ERVFRD-1: variants seen among roughly 807,000 people sequenced by gnomAD.
The protein encoded by ERVFRD-1 is syncytin-2.
A neutral mutation model predicts 43.8 loss-of-function variants in ERVFRD-1; 33 were observed. The ratio of observed to expected loss-of-function variants is 0.75; its 90% CI spans 0.57 to 1.01. The LOEUF (loss-of-function observed/expected upper bound fraction) is 1.01. Ranked by LOEUF, ERVFRD-1 falls within the 50% of genes least tolerant of loss-of-function variation. The pLI, the probability that ERVFRD-1 is intolerant of heterozygous loss-of-function variation, is 0.00. For synonymous variants in ERVFRD-1, 239 were observed against 244.4 expected (o/e 0.98, Z 0.21); for missense variants, 568 against 658.4 (o/e 0.86, Z 1.50).
rs775048038 is a variant in ERVFRD-1 at position 11,104,657 on chromosome 6, A to C, written c.654T>G (p.Ile218Met). 1.9e-5 allele frequency: 31 copies of C among 1,614,088 alleles called. No homozygotes were observed. In the East Asian group the frequency reaches 6.9e-4, roughly 36 times the overall value. Residue 218 changes from isoleucine to methionine, a missense_variant, in exon 2 of 2, where the codon ATT becomes ATG. By Grantham distance (10) the Ile-to-Met change is conservative (BLOSUM62 1). Coordinates refer to ENST00000472091, the MANE Select transcript of ERVFRD-1 (RefSeq NM_207582.3). ...ATTCCGCTGTAGAGCTGAGGTTGGA[A>C]ATTTGCAGACATTGGTTATAATCAG... is the stretch of plus-strand genomic sequence containing the variant. ...RPADYNQCLQISNLSSTAEWV... is the reference protein window; with the variant it reads ...RPADYNQCLQMSNLSSTAEWV...
rs545293438 is a variant in ERVFRD-1, at chr6:11,106,238, C to T, written c.-320-608G>A. Among the ~76,000 whole-genome samples, 3 of 152,284 alleles carry T rather than the reference C, an allele frequency of 2.0e-5. 1 individual carries two copies. In the East Asian group the frequency reaches 5.8e-4, roughly 29 times the overall value. ...TTTTCAGTCCTTGTGAGGCAGGCTT[C>T]TACCCATCCTGTGAAGGTGTCTACA... On this transcript the variant is annotated intron_variant, in intron 1 of 1. Transcript: ENST00000472091.
rs138460985 is a variant in ERVFRD-1, at chr6:11,107,534, A to C, written c.-320-1904T>G. Among the ~76,000 whole-genome samples the C allele has an allele frequency of 8.0e-3, 1,225 of 152,344 alleles. 21 individuals are homozygous for C. Among genetic ancestry groups the C allele is most frequent in the Non-Finnish European group, 0.011 (736 of 68,028 alleles). On this transcript the variant is annotated intron_variant, in intron 1 of 1. Transcript: ENST00000472091. ...CTGAAACCCTGTTGAAGCACTGTGC[A>C]GGTGAGCTGTTGACTCCTTCCTTTT...
Position 11,104,459 on chromosome 6 carries a change from A to C in ERVFRD-1, c.852T>G (p.Phe284Leu), listed in dbSNP as rs1045562078. The C allele has an allele frequency of 1.9e-6, 3 of 1,552,046 alleles. No individual in the cohort carries two copies. ...EFFGTSLTPLFHFHISTCLKT... is the reference protein window; with the variant it reads ...EFFGTSLTPLLHFHISTCLKT... ...TAAGGCATGTAGAGATATGGAAATG[A>C]AATAAGGGGGTGAGGGAGGTTCCAA... Residue 284 changes from phenylalanine to leucine, a missense_variant, in exon 2 of 2, where the codon TTT (phenylalanine) becomes TTG (leucine). Physicochemically the swap from Phe to Leu is conservative, Grantham distance 22. Coordinates refer to ENST00000472091, the MANE Select transcript of ERVFRD-1 (RefSeq NM_207582.3).
chr6:11,103,998 C>G lies in ERVFRD-1; in HGVS notation c.1313G>C (p.Cys438Ser). The part of the protein sequence containing the change: ...GGICLALDEK[C>S]CFWVNQSGKV... Reference sequence around the variant, plus strand: ...TCCTGATTGATTTACCCAAAAGCAACATTTTTCATCTAAGGCCAAACAAAT... The same window carrying G: ...TCCTGATTGATTTACCCAAAAGCAAGATTTTTCATCTAAGGCCAAACAAAT... The change falls in exon 2 of 2, where the codon TGT becomes TCT. Residue 438 changes from cysteine to serine, a missense_variant. Coordinates refer to ENST00000472091, the MANE Select transcript of ERVFRD-1 (RefSeq NM_207582.3). The G allele has an allele frequency of 6.4e-7, 1 of 1,551,714 alleles. No homozygotes were observed. The highest frequency in any genetic ancestry group is 8.7e-7 in the Non-Finnish European group (1 of 1,147,006).
chr6:11,104,035 C>T lies in ERVFRD-1; in HGVS notation c.1276G>A (p.Ala426Thr). 1 of 1,551,738 alleles carries T rather than the reference C, an allele frequency of 6.4e-7. No homozygotes were observed. Residue 426 changes from alanine (A) to threonine (T), a missense_variant, in exon 2 of 2, where the codon GCA becomes ACA. Coordinates refer to ENST00000472091, the MANE Select transcript of ERVFRD-1 (RefSeq NM_207582.3). Reference sequence around the variant, plus strand: ...AAGGCCAAACAAATTCCTCCCTGTGCTGCCGTTAACATGTCTAGTCCTCGA... The same window carrying T: ...AAGGCCAAACAAATTCCTCCCTGTGTTGCCGTTAACATGTCTAGTCCTCGA... ...NRRGLDMLTA[A>T]QGGICLALDE...
intron 1 of ERVFRD-1, among the ~76,000 whole-genome samples, chr6:11,107,695 G>A (rs1456450479): frequency 6.6e-6 from 1 of 152,246 alleles, no homozygotes; most frequent in African/African-American, 2.4e-5. Flanking sequence ...ATGAGTTGGG[G>A]ATCATTGGGT....
rs747510057 is a variant in ERVFRD-1, at chr6:11,104,758, A to T, written c.553T>A (p.Leu185Met). Residue 185 changes from leucine (L) to methionine (M), a missense_variant, in exon 2 of 2, where the codon TTG becomes ATG. Physicochemically the swap from Leu to Met is conservative, Grantham distance 15. Coordinates refer to ENST00000472091, the MANE Select transcript of ERVFRD-1 (RefSeq NM_207582.3). Reference sequence around the variant, plus strand: ...CAAAACCGGCTGGATTTATCTAGCAAAGTTCCCTGAGGAAAAGTAATATTT... The same window carrying T: ...CAAAACCGGCTGGATTTATCTAGCATAGTTCCCTGAGGAAAAGTAATATTT... ...PPNITFPQGT[L>M]LDKSSRFCQG... is the part of the protein sequence containing the mutation. 6.2e-6 allele frequency: 10 copies of T among 1,614,242 alleles called. No homozygotes were observed. The highest frequency in any genetic ancestry group is 8.5e-6 in the Non-Finnish European group (10 of 1,180,038).
At position 11,103,204 on chromosome 6, in the gene ERVFRD-1, C is replaced by T. The variant is rs770584133; in HGVS notation, c.*490G>A. 1.3e-5 allele frequency: 2 copies of T among 157,014 alleles called. No individual in the cohort carries two copies. Among genetic ancestry groups the T allele is most frequent in the Non-Finnish European group, 2.8e-5 (2 of 71,246 alleles). The allele number at this position is 157,014 out of a possible 1,614,324, so 9.7% of individuals were successfully genotyped here. ...TGAGTTAAATGCCACTATTTTGCCT[C>T]TTAGGGTGCATGCTTGAGCCTGCGC... On this transcript the variant is annotated 3_prime_UTR_variant, in exon 2 of 2. Coordinates refer to ENST00000472091, the MANE Select transcript of ERVFRD-1 (RefSeq NM_207582.3).
intron 1 of ERVFRD-1, among the ~76,000 whole-genome samples, chr6:11,106,466 A>C (rs1758085018): frequency 6.6e-6 from 1 of 152,238 alleles, no homozygotes; most frequent in Admixed American, 6.5e-5. Context: ...CCCACTGAAC[A>C]CTGGTTTACA....
chr6:11,106,949 A>G (rs927379198), intron 1 of ERVFRD-1, among the ~76,000 whole-genome samples: 2 of 152,178 alleles, frequency 1.3e-5, no homozygotes, highest in African/African-American at 4.8e-5. Context: ...GAATTTGTAT[A>G]TACTCCTTTT....
At position 11,103,839 on chromosome 6, in the gene ERVFRD-1, A is replaced by T; in HGVS notation, c.1472T>A (p.Val491Asp). The change falls in exon 2 of 2, where the codon GTT becomes GAT. Residue 491 changes from valine (V) to aspartate (D), a missense_variant. Physicochemically the swap from Val to Asp is radical, Grantham distance 152. Transcript: ENST00000472091. Reference sequence around the variant, plus strand: ...AAAAAGGAGCAAAAGTAGGAGACTAACAAGTGGGCCTGTAAGGGGAAGAAC... The same window carrying T: ...AAAAAGGAGCAAAAGTAGGAGACTATCAAGTGGGCCTGTAAGGGGAAGAAC... Reference protein sequence around the residue: ...SWVLPLTGPLVSLLLLLLFGP... With the variant: ...SWVLPLTGPLDSLLLLLLFGP... 1 of 1,551,714 alleles carries T rather than the reference A, an allele frequency of 6.4e-7. No homozygotes were observed. Among genetic ancestry groups the T allele is most frequent in the Non-Finnish European group, 8.7e-7 (1 of 1,146,990 alleles).
chr6:11,104,078 G>A lies in ERVFRD-1; in HGVS notation c.1233C>T (p.Ala411=), dbSNP rs1561752399. 15 of 1,551,668 alleles carry A rather than the reference G, an allele frequency of 9.7e-6. No individual in the cohort carries two copies. The highest frequency in any genetic ancestry group is 1.2e-5 in the Non-Finnish European group (14 of 1,146,984). Residue 411 remains alanine, a synonymous_variant, in exon 2 of 2, where the codon GCC becomes GCT. Coordinates refer to ENST00000472091, the MANE Select transcript of ERVFRD-1 (RefSeq NM_207582.3). ...TMQEQIDSLA[A]VVLQNRRGLD... is the part of the protein sequence containing the mutation. ...GTCCTCGACGATTTTGAAGGACTAC[G>A]GCTGCTAAAGAGTCGATTTGTTCTT...
Position 11,104,242 on chromosome 6 carries a change from G to A in ERVFRD-1, c.1069C>T (p.Leu357Phe). 17 of 1,551,710 alleles carry A rather than the reference G, an allele frequency of 1.1e-5. No individual in the cohort carries two copies. Among genetic ancestry groups the A allele is most frequent in the Non-Finnish European group, 1.5e-5 (17 of 1,146,994 alleles). ...RVRRAIHFIP[L>F]LAGLGILAGT... ...GCTAGAATGCCGAGTCCCGCGAGAA[G>A]GGGAATGAAATGGATTGCCCTCCTC... Residue 357 changes from leucine to phenylalanine, a missense_variant, in exon 2 of 2, where the codon CTT (leucine) becomes TTT (phenylalanine). By Grantham distance (22) the Leu-to-Phe change is conservative. Coordinates refer to ENST00000472091, the MANE Select transcript of ERVFRD-1 (RefSeq NM_207582.3).
rs374970979 is a variant in ERVFRD-1 at position 11,103,832 on chromosome 6, G to C, written c.1479C>G (p.Leu493=). The change falls in exon 2 of 2, where the codon CTC becomes CTG. Residue 493 remains leucine (L), a synonymous_variant. Coordinates refer to ENST00000472091, the MANE Select transcript of ERVFRD-1 (RefSeq NM_207582.3). ...VLPLTGPLVS[L]LLLLLFGPCL... ...ATGGACCAAAAAGGAGCAAAAGTAG[G>C]AGACTAACAAGTGGGCCTGTAAGGG... The C allele has an allele frequency of 2.6e-5, 40 of 1,551,646 alleles. No individual in the cohort carries two copies. In the African/African-American group the frequency reaches 5.1e-4, roughly 20 times the overall value.
At chr6:11,106,835 C>G (rs568543066) in intron 1 of ERVFRD-1, among the ~76,000 whole-genome samples, 1 of 152,358 alleles carries the variant, frequency 6.6e-6, no homozygotes, top group East Asian at 1.9e-4. Flanking sequence ...TCTAATAGCT[C>G]TAAGATTTGA....
chr6:11,110,584 G>A (rs1453838403), intron 1 of ERVFRD-1, among the ~76,000 whole-genome samples: 1 of 152,148 alleles, frequency 6.6e-6, no homozygotes, highest in Non-Finnish European at 1.5e-5. Flanking sequence ...AGGAATGGAG[G>A]AAAATTTGTA....
intron 1 of ERVFRD-1, among the ~76,000 whole-genome samples, chr6:11,110,652 A>ACAAT (rs1212996377): frequency 6.6e-6 from 1 of 152,228 alleles, no homozygotes; most frequent in Non-Finnish European, 1.5e-5. Context: ...ACGAGGTAGA[A>ACAAT]CAATCCCTCT....
intron 1 of ERVFRD-1, among the ~76,000 whole-genome samples, chr6:11,106,913 T>C (rs980408180): frequency 1.3e-5 from 2 of 152,208 alleles, no homozygotes; most frequent in African/African-American, 2.4e-5. Context: ...GCTGTGTGAG[T>C]GTGAAGAACC....
In ERVFRD-1 at chr6:11,104,620, C is replaced by A. The variant is rs1030437044; in HGVS notation, c.691G>T (p.Asp231Tyr). The A allele has an allele frequency of 1.2e-6, 2 of 1,614,126 alleles. No homozygotes were observed. The highest frequency in any genetic ancestry group is 1.7e-6 in the Non-Finnish European group (2 of 1,180,042). Residue 231 changes from aspartate (D) to tyrosine (Y), a missense_variant, in exon 2 of 2, where the codon GAC becomes TAC. Coordinates refer to ENST00000472091, the MANE Select transcript of ERVFRD-1 (RefSeq NM_207582.3). ...LSSTAEWVLL[D>Y]QTRNSLFWEN... ...CAAAAAAGAGAATTTCGAGTTTGGTCCAATAGAACCCATTCCGCTGTAGAG... is the reference window on the plus strand; with the variant it reads ...CAAAAAAGAGAATTTCGAGTTTGGTACAATAGAACCCATTCCGCTGTAGAG...
Sources: gnomAD v4.1 joint callset for allele counts (sites outside exome capture counted in the v4.1 genomes callset) on GRCh38, gnomAD v4.1.1 for gene constraint, MANE v1.5 for transcripts, NCBI Gene and HGNC (gene_info 2026-07-23, HGNC 2026-07-21) for gene names.